The following GLYATL1B variants were observed in gnomAD, a reference collection of about 807,000 sequenced individuals.
GLYATL1B encodes glycine-N-acyltransferase like 1B.
Under a neutral mutation model 5.5 loss-of-function variants are expected in GLYATL1B, and 6 were observed. The observed-to-expected ratio is 1.09, with a 90% CI of 0.60 to 2.15. The LOEUF is 2.15. Ranked by LOEUF, GLYATL1B falls within the 30% of genes most tolerant of loss-of-function variation. The pLI is 0.00. For missense variants in GLYATL1B, 135 were observed against 94.1 expected (o/e 1.43, Z -1.80); for synonymous variants, 67 against 34.9 (o/e 1.92, Z -3.24).
At position 59,088,813 on chromosome 11, in the gene GLYATL1B, A is replaced by G. The variant is rs181822930; in HGVS notation, c.186+1642A>G. 5.2e-3 allele frequency among the ~76,000 whole-genome samples: 795 copies of G among 152,344 alleles called. 8 individuals carry two copies. The highest frequency in any genetic ancestry group is 0.02 in the Middle Eastern group (6 of 294). The stretch of plus-strand genomic sequence containing the variant: ...AATATGCTGCAATTTACTTGGAAAT[A>G]CATTCACTTAGTCTGATTCCATAGT... On this transcript the variant is annotated intron_variant, in intron 2 of 4. Transcript: ENST00000527482.
chr11:59,092,238 G>T (rs1859330362), intron 2 of GLYATL1B, among the ~76,000 whole-genome samples: 1 of 143,524 alleles, frequency 7.0e-6, no homozygotes, highest in African/African-American at 2.6e-5. Context: ...TCTCTCTTCT[G>T]CTCTTTCTTT....
In GLYATL1B at chr11:59,094,523, G is replaced by T. The variant is rs1307227392; in HGVS notation, c.646G>T (p.Val216Phe). 3 of 781,776 alleles carry T rather than the reference G, an allele frequency of 3.8e-6. No individual in the cohort carries two copies. The highest frequency in any genetic ancestry group is 1.7e-5 in the African/African-American group (1 of 57,312). The allele number at this position is 781,776 out of a possible 1,614,324, so 48.4% of individuals were successfully genotyped here. A position where few individuals can be genotyped will look rare whatever the true frequency, so the allele number is the denominator to read the frequency against. Residue 216 changes from valine (V) to phenylalanine (F), a missense_variant, in exon 5 of 5, where the codon GTC becomes TTC. Coordinates refer to ENST00000527482, the MANE Select transcript of GLYATL1B (RefSeq NM_001355566.1). ...AGCCTGTATGCTGGGCCCAGAGGGG[G>T]TCCCGGTCTCATGGGTAACCATGGA... Reference protein sequence around the residue: ...PAACMLGPEGVPVSWVTMDPS... With the variant: ...PAACMLGPEGFPVSWVTMDPS...
intron 2 of GLYATL1B, among the ~76,000 whole-genome samples, chr11:59,087,512 A>T (rs73487315): frequency 3.9e-5 from 6 of 152,040 alleles, no homozygotes; most frequent in Admixed American, 2.6e-4. Flanking sequence ...TGGAACAGTG[A>T]CTTAGAACCA....
chr11:59,090,798 T>C (rs1859292066), intron 2 of GLYATL1B, among the ~76,000 whole-genome samples: 1 of 152,118 alleles, frequency 6.6e-6, no homozygotes, highest in South Asian at 2.1e-4. Context: ...CCTTATTGTA[T>C]AATGTACAAC....
intron 1 of GLYATL1B, among the ~76,000 whole-genome samples, chr11:59,086,802 A>G (rs529654387): frequency 2.6e-5 from 4 of 152,284 alleles, no homozygotes; most frequent in South Asian, 2.1e-4. Context: ...AATCCATACA[A>G]TATAAGTGCT....
chr11:59,093,158 T>C (rs1235820758), intron 2 of GLYATL1B, among the ~76,000 whole-genome samples: 4 of 152,190 alleles, frequency 2.6e-5, no homozygotes, highest in African/African-American at 7.2e-5. Context: ...ATTCCTTTGC[T>C]TCTGCTGGGC....
intron 2 of GLYATL1B, among the ~76,000 whole-genome samples, chr11:59,089,711 GT>G: frequency 6.6e-6 from 1 of 152,218 alleles, no homozygotes; most frequent in South Asian, 2.1e-4. Flanking sequence ...TTCTCTATGT[GT>G]TTTGGATATG....
At chr11:59,091,125 T>C (rs531595554) in intron 2 of GLYATL1B, among the ~76,000 whole-genome samples, 8 of 152,296 alleles carry the variant, frequency 5.3e-5, no homozygotes, top group African/African-American at 1.9e-4. Context: ...CATGTTCACA[T>C]TCTTTTCATA....
chr11:59,090,887 A>C (rs1280162027), intron 2 of GLYATL1B, among the ~76,000 whole-genome samples: 9 of 152,138 alleles, frequency 5.9e-5, no homozygotes, highest in Non-Finnish European at 1.2e-4. Flanking sequence ...TAGCTATAAA[A>C]ACTTACCTTT....
intron 2 of GLYATL1B, among the ~76,000 whole-genome samples, chr11:59,092,314 T>C (rs1288793698): frequency 6.6e-6 from 1 of 152,174 alleles, no homozygotes; most frequent in African/African-American, 2.4e-5. Context: ...CTACATTTCA[T>C]TATTTATGGC....
Position 59,093,515 on chromosome 11 carries a change from A to G in GLYATL1B, c.187-14A>G, listed in dbSNP as rs1264313876. 4 of 477,344 alleles carry G rather than the reference A, an allele frequency of 8.4e-6. No homozygotes were observed. The highest frequency in any genetic ancestry group is 3.2e-5 in the Admixed American group (1 of 31,682). 29.6% of individuals were successfully genotyped at this position (477,344 alleles called of 1,614,324 possible). ...GTTCAAGGGAATGATCTGACCTTTC[A>G]CCATCCTACACAGGAGATGACTGAT... On this transcript the variant is annotated splice_polypyrimidine_tract_variant and intron_variant, in intron 2 of 4. Coordinates refer to ENST00000527482, the MANE Select transcript of GLYATL1B (RefSeq NM_001355566.1).
intron 2 of GLYATL1B, among the ~76,000 whole-genome samples, chr11:59,088,550 C>T (rs1227999629): frequency 3.9e-5 from 6 of 152,118 alleles, no homozygotes. Flanking sequence ...ATCCATGGTC[C>T]AATTTCTTCA....
At chr11:59,092,871 T>C (rs1244148742) in intron 2 of GLYATL1B, among the ~76,000 whole-genome samples, 1 of 152,230 alleles carries the variant, frequency 6.6e-6, no homozygotes, top group African/African-American at 2.4e-5. Context: ...GTCTCCTTAA[T>C]GTTTATATTC....
chr11:59,092,135 C>G (rs188334233), intron 2 of GLYATL1B, among the ~76,000 whole-genome samples: 60 of 151,694 alleles, frequency 4.0e-4, no homozygotes, highest in Non-Finnish European at 8.0e-4. Flanking sequence ...TTTTCTGTTT[C>G]CATTCTCATG....
At chr11:59,089,605 A>AG (rs1859266207) in intron 2 of GLYATL1B, among the ~76,000 whole-genome samples, 1 of 152,152 alleles carries the variant, frequency 6.6e-6, no homozygotes. Flanking sequence ...TATTCAACAT[A>AG]TATTTTCATA....
intron 1 of GLYATL1B, 36 bp downstream of exon 1, chr11:59,086,420 G>C: frequency 2.5e-6 from 1 of 398,512 alleles, no homozygotes; most frequent in Admixed American, 4.4e-5. Context: ...TATGGGAGTA[G>C]GGGTGTTGAG....
rs1406689948 is a variant in GLYATL1B, at chr11:59,094,489, C to A, written c.612C>A (p.Ala204=). The part of the protein sequence containing the change: ...SLRYIKRCLG[A]LPAACMLGPE... ...GTTACATCAAGCGCTGCCTAGGAGCCCTGCCAGCAGCCTGTATGCTGGGCC... is the reference window on the plus strand; with the variant it reads ...GTTACATCAAGCGCTGCCTAGGAGCACTGCCAGCAGCCTGTATGCTGGGCC... Residue 204 remains alanine, a synonymous_variant, in exon 5 of 5, where the codon GCC becomes GCA. Coordinates refer to ENST00000527482, the MANE Select transcript of GLYATL1B (RefSeq NM_001355566.1). 1.2e-5 allele frequency: 9 copies of A among 781,038 alleles called. No homozygotes were observed. Among genetic ancestry groups the A allele is most frequent in the South Asian group, 4.8e-5 (3 of 61,864 alleles). The allele number at this position is 781,038 out of a possible 1,614,324, so 48.4% of individuals were successfully genotyped here.
At chr11:59,091,326 G>C (rs1366994744) in intron 2 of GLYATL1B, among the ~76,000 whole-genome samples, 1 of 152,028 alleles carries the variant, frequency 6.6e-6, no homozygotes, top group East Asian at 1.9e-4. Flanking sequence ...ATCTAATTTT[G>C]GCTACTTTTT....
At chr11:59,090,336 A>T (rs182843108) in intron 2 of GLYATL1B, among the ~76,000 whole-genome samples, 1 of 152,056 alleles carries the variant, frequency 6.6e-6, no homozygotes, top group East Asian at 1.9e-4. Flanking sequence ...TGCAATTGTG[A>T]TTTGTATTGG....
Sources: gnomAD v4.1 joint callset for allele counts (sites outside exome capture counted in the v4.1 genomes callset) on GRCh38, gnomAD v4.1.1 for gene constraint, MANE v1.5 for transcripts, NCBI Gene and HGNC (gene_info 2026-07-23, HGNC 2026-07-21) for gene names.